PLIN1: variants seen among roughly 807,000 people sequenced by gnomAD.
PLIN1 encodes perilipin-1.
A neutral mutation model predicts 45.8 loss-of-function variants in PLIN1; 37 were observed. The ratio of observed to expected loss-of-function variants is 0.81; its 90% confidence interval spans 0.62 to 1.06. PLIN1 has a LOEUF of 1.06. PLIN1 is among the 50% of genes least tolerant of loss of function. The pLI is 0.00. For synonymous variants in PLIN1, 340 were observed against 309.2 expected (o/e 1.10, Z -1.05); for missense variants, 776 against 716.5 (o/e 1.08, Z -0.95).
At chr15:89,666,286 T>C (rs1317201165) in intron 8 of PLIN1, among the ~76,000 whole-genome samples, 1 of 152,184 alleles carries the variant, frequency 6.6e-6, no homozygotes, top group Non-Finnish European at 1.5e-5. Flanking sequence ...TACACCTTCC[T>C]GGGGCTGGCC....
intron 2 of PLIN1, among the ~76,000 whole-genome samples, chr15:89,675,902 TGAAGTGGGGGAATTAATG>T (rs940337628): frequency 6.6e-5 from 10 of 152,000 alleles, no homozygotes; most frequent in Non-Finnish European, 1.0e-4. Context: ...CAAAATAACA[TGAAGTGGGGGAATTAATG>T]GAAGTGAGGA....
rs1315724697 is a variant in PLIN1, at chr15:89,667,746, G to A, written c.819C>T (p.Ser273=). Reference sequence around the variant, plus strand: ...GTACCCGCACTTCGCTCCTCCGCCGGGACACCGCCTGCATGGCCACTGAGG... The same window carrying A: ...GTACCCGCACTTCGCTCCTCCGCCGAGACACCGCCTGCATGGCCACTGAGG... ...WGASVAMQAV[S]RRRSEVRVPW... Residue 273 remains serine (S), a synonymous_variant, in exon 7 of 9, where the codon TCC becomes TCT. Transcript: ENST00000300055. 5 of 1,566,100 alleles carry A rather than the reference G, an allele frequency of 3.2e-6. No individual in the cohort carries two copies. Among genetic ancestry groups the A allele is most frequent in the Non-Finnish European group, 4.3e-6 (5 of 1,155,406 alleles).
At chr15:89,678,286 G>A (rs1964549931) in intron 1 of PLIN1, among the ~76,000 whole-genome samples, 1 of 151,824 alleles carries the variant, frequency 6.6e-6, no homozygotes, top group African/African-American at 2.4e-5. Context: ...AAGGCAGGCA[G>A]ATCACCTGAG....
At chr15:89,666,403 A>G (rs996980033) in intron 8 of PLIN1, among the ~76,000 whole-genome samples, 16 of 152,054 alleles carry the variant, frequency 1.1e-4, no homozygotes, top group African/African-American at 3.4e-4. Flanking sequence ...TTCTGCCCTG[A>G]CCAGCCCCGC....
rs1333097016 is a variant in PLIN1 at position 89,667,656 on chromosome 15, T to C, written c.909A>G (p.Gly303=). The C allele has an allele frequency of 1.2e-6, 2 of 1,608,794 alleles. No individual in the cohort carries two copies. Among genetic ancestry groups the C allele is most frequent in the Non-Finnish European group, 1.7e-6 (2 of 1,177,214 alleles). ...ATTCTTCCTCCTCCTCCGTGTCCTC[T>C]CCCTCCGTGTCTGTCTGGTCCTCAT... ...EDHEDQTDTE[G]EDTEEEEELE... The change falls in exon 7 of 9, where the codon GGA becomes GGG. Residue 303 remains glycine (G), a synonymous_variant. Coordinates refer to ENST00000300055, the MANE Select transcript of PLIN1 (RefSeq NM_002666.5).
In PLIN1 at chr15:89,664,801, C is replaced by T. The variant is rs745363941; in HGVS notation, c.*782G>A. 6.9e-6 allele frequency: 3 copies of T among 435,522 alleles called. No homozygotes were observed. Among genetic ancestry groups the T allele is most frequent in the South Asian group, 3.3e-5 (2 of 61,128 alleles). The allele number at this position is 435,522 out of a possible 1,614,324, so 27.0% of individuals were successfully genotyped here. ...CTAGATTTATCAAATATTAACATTT[C>T]GAAGACTAGGGTTGGGGATGAACTG... is the stretch of plus-strand genomic sequence containing the variant. On this transcript the variant is annotated 3_prime_UTR_variant, in exon 9 of 9. Coordinates refer to ENST00000300055, the MANE Select transcript of PLIN1 (RefSeq NM_002666.5).
Position 89,669,635 on chromosome 15 carries a change from G to A in PLIN1, c.636C>T (p.Pro212=), listed in dbSNP as rs1964405516. The part of the protein sequence containing the change: ...APGHQQAQKS[P]KAKPSLLSRV... ...TGCTCAAGAGGCTTGGCTTGGCCTTGGGAGACTTCTGGGCTTGCTGGTGTC... is the reference window on the plus strand; with the variant it reads ...TGCTCAAGAGGCTTGGCTTGGCCTTAGGAGACTTCTGGGCTTGCTGGTGTC... Residue 212 remains proline (P), a synonymous_variant, in exon 6 of 9, where the codon CCC becomes CCT. Coordinates refer to ENST00000300055, the MANE Select transcript of PLIN1 (RefSeq NM_002666.5). The A allele has an allele frequency of 6.2e-7, 1 of 1,613,964 alleles. No homozygotes were observed. Among genetic ancestry groups the A allele is most frequent in the African/African-American group, 1.3e-5 (1 of 74,928 alleles).
In PLIN1 at chr15:89,667,596, C is replaced by T. The variant is rs1964369269; in HGVS notation, c.963+6G>A. 3.1e-6 allele frequency: 5 copies of T among 1,614,074 alleles called. No individual in the cohort carries two copies. In the South Asian group the frequency reaches 4.4e-5, roughly 14 times the overall value. Reference sequence around the variant, plus strand: ...GGGACCTTGAGGCTCCCACTCTCCCCCTCACCTCACTGAACTTGTTCTCCT... The same window carrying T: ...GGGACCTTGAGGCTCCCACTCTCCCTCTCACCTCACTGAACTTGTTCTCCT... On this transcript the variant is annotated splice_donor_region_variant and intron_variant, in intron 7 of 8. Coordinates refer to ENST00000300055, the MANE Select transcript of PLIN1 (RefSeq NM_002666.5).
chr15:89,669,388 A>C, intron 6 of PLIN1, 112 bp downstream of exon 6: 1 of 955,890 alleles, frequency 1.0e-6, no homozygotes, highest in Non-Finnish European at 1.7e-6. Flanking sequence ...CCACGTTGGA[A>C]GAGAGAATGT....
Position 89,667,188 on chromosome 15 carries a change from G to T in PLIN1, c.964-7C>A. On this transcript the variant is annotated splice_region_variant and splice_polypyrimidine_tract_variant and intron_variant, in intron 7 of 8. Coordinates refer to ENST00000300055, the MANE Select transcript of PLIN1 (RefSeq NM_002666.5). ...GGCCTGGCAGGGCTGCTACCTGGGGGCCAAAGCAGGGTCAGTGCCTCCTGT... is the reference window on the plus strand; with the variant it reads ...GGCCTGGCAGGGCTGCTACCTGGGGTCCAAAGCAGGGTCAGTGCCTCCTGT... 1.2e-6 allele frequency: 2 copies of T among 1,612,668 alleles called. No individual in the cohort carries two copies. Among genetic ancestry groups the T allele is most frequent in the East Asian group, 2.2e-5 (1 of 44,882 alleles).
Position 89,664,607 on chromosome 15 carries a change from T to C in PLIN1, c.*976A>G, listed in dbSNP as rs1964301784. ...GGCATGCGTAACACCCCACAGCTTG[T>C]GTAAACACAAGCGGGGAGTGCATAC... On this transcript the variant is annotated 3_prime_UTR_variant, in exon 9 of 9. Transcript: ENST00000300055. 3.3e-6 allele frequency: 1 copy of C among 300,956 alleles called. No homozygotes were observed. The highest frequency in any genetic ancestry group is 2.8e-5 in the South Asian group (1 of 35,188). 18.6% of individuals were successfully genotyped at this position (300,956 alleles called of 1,614,324 possible). A position where few individuals can be genotyped will look rare whatever the true frequency, so the allele number is the denominator to read the frequency against.
Position 89,666,570 on chromosome 15 carries a change from C to T in PLIN1, c.1209+366G>A, listed in dbSNP as rs1440291954. On this transcript the variant is annotated intron_variant, in intron 8 of 8. Coordinates refer to ENST00000300055, the MANE Select transcript of PLIN1 (RefSeq NM_002666.5). The stretch of plus-strand genomic sequence containing the variant: ...CTCATGGCCCACCCCTCAGGGTGCC[C>T]TGGAAGCCTCTCCAACCCCTTCCCA... 2.6e-5 allele frequency among the ~76,000 whole-genome samples: 4 copies of T among 152,158 alleles called. No individual in the cohort carries two copies. The South Asian group carries it at 8.3e-4, about 31-fold the overall frequency.
At chr15:89,669,935 T>G in intron 5 of PLIN1, 45 bp downstream of exon 5, 1 of 1,579,420 alleles carries the variant, frequency 6.3e-7, no homozygotes, top group Non-Finnish European at 8.6e-7. Context: ...CCAGGCAGTG[T>G]GTGTGACAAC....
intron 1 of PLIN1, among the ~76,000 whole-genome samples, chr15:89,678,545 A>G (rs1203448073): frequency 6.6e-6 from 1 of 152,024 alleles, no homozygotes; most frequent in East Asian, 2.0e-4. Context: ...GAAATAAAAA[A>G]TGCAGGTAGC....
At chr15:89,673,137 TGA>T in intron 3 of PLIN1, 71 bp downstream of exon 3, 1 of 1,147,356 alleles carries the variant, frequency 8.7e-7, no homozygotes, top group Non-Finnish European at 1.3e-6. Context: ...TCAGACAGAC[TGA>T]GAGGCGGACA....
chr15:89,667,842 G>C, intron 6 of PLIN1, 49 bp from the exon 7 acceptor site: 1 of 1,539,676 alleles, frequency 6.5e-7, no homozygotes, highest in African/African-American at 1.4e-5. Context: ...CCTGCTGAAG[G>C]CCAGGGAGCC....
In PLIN1 at chr15:89,668,151, G is replaced by A. The variant is rs142284944; in HGVS notation, c.772-358C>T. 4.7e-4 allele frequency among the ~76,000 whole-genome samples: 71 copies of A among 152,188 alleles called. 2 individuals carry two copies. The East Asian group carries it at 9.8e-3, about 21-fold the overall frequency. ...CCATGCCTTAGTTTTGCCTATTTTC[G>A]AACTTCATGTAAGTGGAGTCACACC... On this transcript the variant is annotated intron_variant, in intron 6 of 8. Coordinates refer to ENST00000300055, the MANE Select transcript of PLIN1 (RefSeq NM_002666.5).
At chr15:89,675,379 G>A (rs983014868) in intron 2 of PLIN1, among the ~76,000 whole-genome samples, 5 of 150,444 alleles carry the variant, frequency 3.3e-5, no homozygotes, top group African/African-American at 1.2e-4. Flanking sequence ...GGCTGAGGCG[G>A]GAGGATCATT....
In PLIN1 at chr15:89,665,533, A is replaced by C; in HGVS notation, c.*50T>G. The C allele has an allele frequency of 6.6e-7, 1 of 1,514,830 alleles. No individual in the cohort carries two copies. Among genetic ancestry groups the C allele is most frequent in the Non-Finnish European group, 8.8e-7 (1 of 1,132,630 alleles). 93.8% of individuals were successfully genotyped at this position (1,514,830 alleles called of 1,614,324 possible). On this transcript the variant is annotated 3_prime_UTR_variant, in exon 9 of 9. Coordinates refer to ENST00000300055, the MANE Select transcript of PLIN1 (RefSeq NM_002666.5). ...CGCCTGGGCAGTGCGGGTTCTGTTT[A>C]TTTGTTAGAGAAACCCGCCGGCCCG...
Sources: allele counts gnomAD v4.1 joint callset (sites outside exome capture counted in the v4.1 genomes callset), GRCh38; gene constraint gnomAD v4.1.1; transcripts MANE v1.5; gene names NCBI Gene and HGNC (gene_info 2026-07-23, HGNC 2026-07-21).